Variants in PCDH15 observed in about 807,000 individuals in gnomAD.
PCDH15 encodes protocadherin-15.
A neutral mutation model predicts 178.5 loss-of-function variants in PCDH15; 129 were observed. The observed-to-expected ratio is 0.72, with a 90% CI of 0.63 to 0.84. The LOEUF is 0.84. PCDH15 is among the 40% of genes least tolerant of loss of function. The probability of loss-of-function intolerance (pLI) is 0.00; values close to 1 mark genes in which losing one functional copy is unlikely to be tolerated. For missense variants in PCDH15, 2,230 were observed against 2,099.9 expected, an observed-to-expected ratio of 1.06 and a Z score of -1.21; for synonymous variants, 800 against 732.0, an observed-to-expected ratio of 1.09 and a Z score of -1.50.
intron 2 of PCDH15, among the ~76,000 whole-genome samples, chr10:55,054,646 C>A (rs1342967162): frequency 6.6e-6 from 1 of 152,098 alleles, no homozygotes; most frequent in Non-Finnish European, 1.5e-5. Flanking sequence ...CTCCCACCAA[C>A]AGTATAAGCA....
intron 21 of PCDH15, among the ~76,000 whole-genome samples, chr10:53,979,349 A>G (rs1007385613): frequency 8.5e-5 from 13 of 152,170 alleles, no homozygotes; most frequent in African/African-American, 2.4e-4. Flanking sequence ...CTCACTCACT[A>G]TCATGAGAAG....
At chr10:55,562,382 T>C (rs1358107048) in intron 2 of PCDH15, among the ~76,000 whole-genome samples, 3 of 152,000 alleles carry the variant, frequency 2.0e-5, no homozygotes, top group African/African-American at 4.8e-5. Flanking sequence ...AAAACTTGTA[T>C]ATATTATTTT....
chr10:54,470,240 A>T (rs1451356869), intron 3 of PCDH15, among the ~76,000 whole-genome samples: 1 of 152,174 alleles, frequency 6.6e-6, no homozygotes, highest in Non-Finnish European at 1.5e-5. Context: ...ATAGCTGAGG[A>T]ATGCAAGTTT....
At chr10:53,878,311 T>A (rs538721735) in intron 26 of PCDH15, among the ~76,000 whole-genome samples, 1 of 78,232 alleles carries the variant, frequency 1.3e-5, no homozygotes, top group East Asian at 5.1e-4. Context: ...AGACTATATA[T>A]ATTCTATATA....
intron 2 of PCDH15, among the ~76,000 whole-genome samples, chr10:55,516,616 A>G (rs992831674): frequency 6.6e-6 from 1 of 152,142 alleles, no homozygotes; most frequent in Non-Finnish European, 1.5e-5. Flanking sequence ...TCTGCAAATC[A>G]CACAGTTGTT....
At chr10:54,253,476 T>G (rs2056662183) in intron 8 of PCDH15, among the ~76,000 whole-genome samples, 1 of 152,082 alleles carries the variant, frequency 6.6e-6, no homozygotes, top group African/African-American at 2.4e-5. Context: ...TATATTTTAT[T>G]GACTTCCTCT....
chr10:53,888,310 G>GTATATATGTACGTA (rs1221791628), intron 26 of PCDH15, among the ~76,000 whole-genome samples: 4 of 28,712 alleles, frequency 1.4e-4, no homozygotes, highest in Non-Finnish European at 2.4e-4. Context: ...ATATATATAT[G>GTATATATGTACGTA]TATATATGTA....
chr10:53,857,122 T>G (rs1380042622), intron 28 of PCDH15, 53 bp downstream of exon 28: 2 of 1,277,486 alleles, frequency 1.6e-6, no homozygotes, highest in Non-Finnish European at 2.2e-6. Flanking sequence ...AAAAATACAG[T>G]TAAAAATCAT....
chr10:55,351,246 T>C (rs1210519414), intron 2 of PCDH15, among the ~76,000 whole-genome samples: 1 of 151,640 alleles, frequency 6.6e-6, no homozygotes, highest in East Asian at 1.9e-4. Context: ...TCACTTCTCC[T>C]CCCTTTATGC....
At chr10:55,479,621 A>G (rs1840135619) in intron 2 of PCDH15, among the ~76,000 whole-genome samples, 1 of 151,628 alleles carries the variant, frequency 6.6e-6, no homozygotes, top group African/African-American at 2.4e-5. Context: ...AATGATGACT[A>G]TTTTCACCAC....
At chr10:55,158,846 G>GGT (rs1166064461) in intron 2 of PCDH15, among the ~76,000 whole-genome samples, 1 of 150,432 alleles carries the variant, frequency 6.6e-6, no homozygotes, top group Non-Finnish European at 1.5e-5. Flanking sequence ...ATGTGTGTGG[G>GGT]GTGTGTGTGT....
intron 2 of PCDH15, among the ~76,000 whole-genome samples, chr10:55,488,039 A>G (rs2132125169): frequency 6.6e-6 from 1 of 151,706 alleles, no homozygotes; most frequent in Middle Eastern, 3.4e-3. Flanking sequence ...CTAATGTGCA[A>G]TTTATTTTAT....
At chr10:54,783,923 A>C (rs1226064694) in intron 1 of PCDH15, among the ~76,000 whole-genome samples, 1 of 152,106 alleles carries the variant, frequency 6.6e-6, no homozygotes, top group Non-Finnish European at 1.5e-5. Flanking sequence ...GTTTTAATTG[A>C]CTCAGAGTTC....
At chr10:54,599,762 G>C in intron 2 of PCDH15, 1 of 504,806 alleles carries the variant, frequency 2.0e-6, no homozygotes, top group South Asian at 1.9e-5. Flanking sequence ...AAAGATGAGG[G>C]TGATAAGTTA....
At chr10:55,442,258 A>G (rs1839204376) in intron 2 of PCDH15, among the ~76,000 whole-genome samples, 1 of 151,864 alleles carries the variant, frequency 6.6e-6, no homozygotes, top group Non-Finnish European at 1.5e-5. Context: ...CAGATTTTTA[A>G]GAAATGATGA....
chr10:55,521,295 T>C (rs751854413), intron 2 of PCDH15, among the ~76,000 whole-genome samples: 1 of 152,054 alleles, frequency 6.6e-6, no homozygotes, highest in African/African-American at 2.4e-5. Context: ...AATATACAGA[T>C]GCTCCTCAAT....
At chr10:54,759,724 A>C (rs1215377679) in intron 1 of PCDH15, among the ~76,000 whole-genome samples, 1 of 152,200 alleles carries the variant, frequency 6.6e-6, no homozygotes. Flanking sequence ...CAGGACATAA[A>C]ATCTTCCCTA....
At chr10:55,141,149 C>T (rs1052660286) in intron 2 of PCDH15, among the ~76,000 whole-genome samples, 1 of 151,924 alleles carries the variant, frequency 6.6e-6, no homozygotes, top group Admixed American at 6.6e-5. Flanking sequence ...TTTAAGTCTG[C>T]TCTTCTTCTT....
intron 3 of PCDH15, among the ~76,000 whole-genome samples, chr10:54,457,047 T>G (rs1256895757): frequency 2.0e-5 from 3 of 152,154 alleles, no homozygotes; most frequent in African/African-American, 7.2e-5. Context: ...GAGAATGAAC[T>G]AATACAATCT....
Sources: allele counts gnomAD v4.1 joint callset (sites outside exome capture counted in the v4.1 genomes callset), GRCh38; gene constraint gnomAD v4.1.1; transcripts MANE v1.5; gene names NCBI Gene and HGNC (gene_info 2026-07-23, HGNC 2026-07-21).